Variants in SLC6A5 observed in about 807,000 individuals in gnomAD.
SLC6A5 encodes the protein sodium- and chloride-dependent glycine transporter 2.
SLC6A5 carries 58 observed loss-of-function variants against 90.5 expected under a neutral mutation model. The ratio of observed to expected loss-of-function variants is 0.64; its 90% CI spans 0.52 to 0.80. SLC6A5 has a LOEUF of 0.80. Ranked by LOEUF, SLC6A5 falls within the 30% of genes least tolerant of loss-of-function variation. SLC6A5 has a pLI of 0.00. For missense variants in SLC6A5, 1,015 were observed against 1,017.6 expected (o/e 1.00, Z 0.03); for synonymous variants, 427 against 401.4 (o/e 1.06, Z -0.76).
chr11:20,643,983 AGTT>A (rs894032393), intron 13 of SLC6A5, among the ~76,000 whole-genome samples: 11 of 152,208 alleles, frequency 7.2e-5, no homozygotes, highest in South Asian at 2.1e-4. Context: ...TCTGGAGTGG[AGTT>A]TTTTGAGTTA....
intron 10 of SLC6A5, among the ~76,000 whole-genome samples, chr11:20,633,788 A>G (rs972033825): frequency 1.2e-4 from 18 of 152,104 alleles, no homozygotes; most frequent in African/African-American, 4.3e-4. Context: ...TACTATTTCC[A>G]TTGTGTGGAT....
At chr11:20,626,618 A>C (rs1269040915) in intron 7 of SLC6A5, 90 bp from the exon 8 acceptor site, 73 of 1,407,764 alleles carry the variant, frequency 5.2e-5, no homozygotes. Flanking sequence ...TGTCATGCGC[A>C]GCCCCACTCT....
Position 20,658,644 on chromosome 11 carries a change from T to C in SLC6A5, c.*3776T>C, listed in dbSNP as rs1489497803. On this transcript the variant is annotated 3_prime_UTR_variant, in exon 16 of 16. Coordinates refer to ENST00000525748, the MANE Select transcript of SLC6A5 (RefSeq NM_004211.5). Reference sequence around the variant, plus strand: ...CCAGAAAGGCCAAGTAGTTTTGAAATGTGGTCTTTGCTCAGGTCACCTCTG... The same window carrying C: ...CCAGAAAGGCCAAGTAGTTTTGAAACGTGGTCTTTGCTCAGGTCACCTCTG... 6.6e-6 allele frequency: 1 copy of C among 152,186 alleles called. No individual in the cohort carries two copies. The highest frequency in any genetic ancestry group is 1.5e-5 in the Non-Finnish European group (1 of 68,036). 9.4% of individuals were successfully genotyped at this position (152,186 alleles called of 1,614,324 possible).
In SLC6A5 at chr11:20,627,853, A is replaced by G. The variant is rs1001797133; in HGVS notation, c.1396-127A>G. The stretch of plus-strand genomic sequence containing the variant: ...GTGATTTATGTTCTCATTGATGTTG[A>G]TGTCGGGGGTCATCTTGTCCCTGAT... On this transcript the variant is annotated intron_variant, in intron 8 of 15. Transcript: ENST00000525748. 5.5e-6 allele frequency: 4 copies of G among 726,542 alleles called. 1 individual carries two copies. The highest frequency in any genetic ancestry group is 1.0e-5 in the Non-Finnish European group (4 of 401,250). 45.0% of individuals were successfully genotyped at this position (726,542 alleles called of 1,614,324 possible). A position where few individuals can be genotyped will look rare whatever the true frequency, so the allele number is the denominator to read the frequency against.
At chr11:20,608,239 AG>A (rs1281150581) in intron 5 of SLC6A5, among the ~76,000 whole-genome samples, 3 of 152,224 alleles carry the variant, frequency 2.0e-5, no homozygotes, top group African/African-American at 7.2e-5. Flanking sequence ...TGTAGTGTCT[AG>A]AAGAGGGCAA....
intron 10 of SLC6A5, among the ~76,000 whole-genome samples, chr11:20,634,296 CT>C (rs1254561539): frequency 1.3e-5 from 2 of 152,214 alleles, no homozygotes; most frequent in Non-Finnish European, 2.9e-5. Flanking sequence ...TTTTAAACAT[CT>C]AACGATGTTA....
intron 15 of SLC6A5, 105 bp from the exon 16 acceptor site, chr11:20,654,608 A>G (rs1404061665): frequency 9.0e-7 from 1 of 1,110,046 alleles, no homozygotes. Context: ...TCAAGCAAGG[A>G]CTCTGGTCAA....
At chr11:20,630,279 A>G (rs1853083598) in intron 9 of SLC6A5, among the ~76,000 whole-genome samples, 1 of 152,154 alleles carries the variant, frequency 6.6e-6, no homozygotes, top group Non-Finnish European at 1.5e-5. Context: ...CATTCCCTTC[A>G]GCCTATTTTA....
intron 9 of SLC6A5, among the ~76,000 whole-genome samples, 193 bp downstream of exon 9, chr11:20,628,276 A>T (rs888183099): frequency 6.6e-6 from 1 of 152,124 alleles, no homozygotes; most frequent in Admixed American, 6.5e-5. Context: ...TCACTTACAC[A>T]CCTGGCTCTG....
rs145936055 is a variant in SLC6A5 at position 20,645,601 on chromosome 11, A to G, written c.1970-1233A>G. On this transcript the variant is annotated intron_variant, in intron 13 of 15. Coordinates refer to ENST00000525748, the MANE Select transcript of SLC6A5 (RefSeq NM_004211.5). ...CTTGACCTGCAGGTACCCACTTTTC[A>G]TGAAAATGATGGAGGATGAAGGAAT... 6.9e-3 allele frequency among the ~76,000 whole-genome samples: 1,031 copies of G among 148,992 alleles called. 10 individuals are homozygous for G. The highest frequency in any genetic ancestry group is 0.021 in the Middle Eastern group (6 of 280).
At chr11:20,608,476 T>TA (rs1852625510) in intron 5 of SLC6A5, among the ~76,000 whole-genome samples, 1 of 152,160 alleles carries the variant, frequency 6.6e-6, no homozygotes, top group African/African-American at 2.4e-5. Context: ...TTTCCTTCTC[T>TA]AAAAAACAGA....
intron 13 of SLC6A5, among the ~76,000 whole-genome samples, chr11:20,644,480 TTGA>T (rs1853372350): frequency 6.6e-6 from 1 of 152,250 alleles, no homozygotes; most frequent in Non-Finnish European, 1.5e-5. Context: ...CATTCATCAG[TTGA>T]TGTGCACTTA....
intron 2 of SLC6A5, 57 bp downstream of exon 2, chr11:20,601,722 G>A (rs900611412): frequency 7.9e-6 from 12 of 1,528,092 alleles, no homozygotes; most frequent in African/African-American, 1.4e-5. Context: ...GCGCGAGAGA[G>A]GCCAGCCGGG....
intron 13 of SLC6A5, among the ~76,000 whole-genome samples, chr11:20,641,658 C>A (rs182161007): frequency 5.5e-4 from 83 of 152,116 alleles, no homozygotes; most frequent in Non-Finnish European, 8.4e-4. Flanking sequence ...TGTAGTGTTC[C>A]CTAGTTCCAT....
chr11:20,635,434 A>T (rs1440459600), intron 10 of SLC6A5, among the ~76,000 whole-genome samples: 2 of 152,080 alleles, frequency 1.3e-5, no homozygotes, highest in African/African-American at 4.8e-5. Flanking sequence ...ACTAGGACTG[A>T]TGTAGCCCCA....
intron 2 of SLC6A5, among the ~76,000 whole-genome samples, 162 bp from the exon 3 acceptor site, chr11:20,604,124 G>T (rs922593940): frequency 2.0e-5 from 3 of 151,776 alleles, no homozygotes; most frequent in Non-Finnish European, 4.4e-5. Context: ...GCTTGTAGAT[G>T]CATCCTTTCT....
chr11:20,608,958 C>CTG (rs71063652), intron 5 of SLC6A5, among the ~76,000 whole-genome samples: 118 of 110,936 alleles, frequency 1.1e-3, no homozygotes, highest in South Asian at 9.7e-3. Flanking sequence ...CTCTCTCTCT[C>CTG]TGTGTGTGTG....
intron 14 of SLC6A5, among the ~76,000 whole-genome samples, chr11:20,648,247 A>G (rs1853459505): frequency 1.3e-5 from 2 of 152,254 alleles, no homozygotes; most frequent in Non-Finnish European, 2.9e-5. Context: ...CAACCAAGAC[A>G]GGATGAAAGT....
chr11:20,601,741 G>A (rs555578468), intron 2 of SLC6A5, 76 bp downstream of exon 2: 10 of 1,494,200 alleles, frequency 6.7e-6, no homozygotes, highest in Non-Finnish European at 9.1e-6. Flanking sequence ...GGCCGTGGCG[G>A]GTGCACGTAT....
Sources: gnomAD v4.1 joint callset for allele counts (sites outside exome capture counted in the v4.1 genomes callset) on GRCh38, gnomAD v4.1.1 for gene constraint, MANE v1.5 for transcripts, NCBI Gene and HGNC (gene_info 2026-07-23, HGNC 2026-07-21) for gene names.